Variants in ANK1 observed in about 807,000 individuals in gnomAD.
ANK1 encodes the protein ankyrin-1.
In ANK1, 51 loss-of-function variants were observed where a neutral mutation model predicts 210.4. The observed-to-expected ratio is 0.24, with a 90% CI of 0.19 to 0.31. The LOEUF (loss-of-function observed/expected upper bound fraction) is 0.31. ANK1 is among the 10% of genes least tolerant of loss of function. The pLI, the probability that ANK1 is intolerant of heterozygous loss-of-function variation, is 1.00. For missense variants in ANK1, 2,051 were observed against 2,504.4 expected (o/e 0.82, Z 3.86); for synonymous variants, 967 against 1,025.9 (o/e 0.94, Z 1.10).
At chr8:41,685,632 C>G (rs111864192) in intron 36 of ANK1, among the ~76,000 whole-genome samples, 1,751 of 119,888 alleles carry the variant, frequency 0.015, 13 homozygotes, top group Non-Finnish European at 0.022. Context: ...AGTCCTGATG[C>G]AATTTTTATG....
intron 37 of ANK1, among the ~76,000 whole-genome samples, chr8:41,674,377 T>C (rs1289120649): frequency 6.6e-6 from 1 of 152,240 alleles, no homozygotes; most frequent in Non-Finnish European, 1.5e-5. Flanking sequence ...TCATGGCATT[T>C]TCCCAGCTTC....
chr8:41,874,686 G>A (rs960608544), intron 1 of ANK1, among the ~76,000 whole-genome samples: 1 of 152,224 alleles, frequency 6.6e-6, no homozygotes, highest in African/African-American at 2.4e-5. Context: ...GCCCTAGTCT[G>A]CCTCTGTCAC....
chr8:41,690,710 G>A (rs117512414), intron 31 of ANK1, 111 bp from the exon 32 acceptor site: 100 of 1,493,378 alleles, frequency 6.7e-5, no homozygotes, highest in Admixed American at 6.6e-4. Flanking sequence ...TCAGCAAGAG[G>A]CATGCGGGTG....
chr8:41,657,573 C>T (rs1464948056), intron 42 of ANK1, among the ~76,000 whole-genome samples: 1 of 152,184 alleles, frequency 6.6e-6, no homozygotes, highest in Non-Finnish European at 1.5e-5. Flanking sequence ...GGTGCCTGCC[C>T]CAAGAAGTGC....
In ANK1 at chr8:41,688,596, AAG is replaced by A; in HGVS notation, c.4105-9_4105-8del. On this transcript the variant is annotated splice_polypyrimidine_tract_variant and splice_region_variant and intron_variant, in intron 33 of 42. Coordinates refer to ENST00000289734, the MANE Select transcript of ANK1 (RefSeq NM_000037.4). ...TATCTTCGGCTCCACTTCCCTGCAG[AAG>A]AAGAAAGGGTGCTTTGGGTTTTGGA... The A allele has an allele frequency of 6.2e-7, 1 of 1,613,964 alleles. No individual in the cohort carries two copies. Among genetic ancestry groups the A allele is most frequent in the Non-Finnish European group, 8.5e-7 (1 of 1,179,842 alleles).
chr8:41,738,360 TG>T (rs1358098832), intron 2 of ANK1, among the ~76,000 whole-genome samples: 1 of 152,174 alleles, frequency 6.6e-6, no homozygotes, highest in African/African-American at 2.4e-5. Context: ...CGTAGATGGC[TG>T]CGTCTACCTA....
intron 1 of ANK1, among the ~76,000 whole-genome samples, chr8:41,852,338 C>A (rs574807889): frequency 6.6e-6 from 1 of 152,198 alleles, no homozygotes; most frequent in Non-Finnish European, 1.5e-5. Context: ...GGGGAACATG[C>A]GGGCCGAAGC....
chr8:41,665,993 T>G (rs567857774), intron 39 of ANK1, among the ~76,000 whole-genome samples: 2 of 152,354 alleles, frequency 1.3e-5, no homozygotes, highest in South Asian at 4.1e-4. Flanking sequence ...AAATTTCACT[T>G]TCTAGATCAG....
In ANK1 at chr8:41,702,537, A is replaced by G. The variant is rs147809061; in HGVS notation, c.2296-393T>C. Among the ~76,000 whole-genome samples, 64 of 152,314 alleles carry G rather than the reference A, an allele frequency of 4.2e-4. No homozygotes were observed. In the East Asian group the frequency reaches 0.012, roughly 28 times the overall value. On this transcript the variant is annotated intron_variant, in intron 20 of 42. Coordinates refer to ENST00000289734, the MANE Select transcript of ANK1 (RefSeq NM_000037.4). ...AGAGGAAGGCTGCTTGCTGCTCCCA[A>G]AGTCTGTTCTTGGGTGTCAGTGATG... is the stretch of plus-strand genomic sequence containing the variant.
At chr8:41,828,388 C>G (rs113894294) in intron 1 of ANK1, 5,961 of 154,538 alleles carry the variant, frequency 0.039, 204 homozygotes, top group African/African-American at 0.091. Flanking sequence ...TCATTTTCCA[C>G]CTTCTCCGTC....
In ANK1 at chr8:41,661,885, C is replaced by T. The variant is rs1167764334; in HGVS notation, c.5535G>A (p.Glu1845=). The change falls in exon 41 of 43, where the codon GAG becomes GAA. Residue 1845 remains glutamate, a synonymous_variant. Coordinates refer to ENST00000289734, the MANE Select transcript of ANK1 (RefSeq NM_000037.4). ...GCCCCTCTACAGTCACCTCCTCGTGCTCCTGGGCGGCATCGGCGCTGGACA... is the reference window on the plus strand; with the variant it reads ...GCCCCTCTACAGTCACCTCCTCGTGTTCCTGGGCGGCATCGGCGCTGGACA... ...IDLSSADAAQ[E]HEEVELRGSG... 1.9e-6 allele frequency: 3 copies of T among 1,614,148 alleles called. No homozygotes were observed. Among genetic ancestry groups the T allele is most frequent in the Non-Finnish European group, 2.5e-6 (3 of 1,180,012 alleles).
At position 41,704,365 on chromosome 8, in the gene ANK1, C is replaced by T. The variant is rs200942986; in HGVS notation, c.2196+9G>A. 6.2e-7 allele frequency: 1 copy of T among 1,613,310 alleles called. No homozygotes were observed. The highest frequency in any genetic ancestry group is 8.5e-7 in the Non-Finnish European group (1 of 1,179,314). ...CAGTGCAGGAGTCGGGGCTGGGGCA[C>T]CCCTGTACCTTGGTCTTGGCATTGA... On this transcript the variant is annotated intron_variant, in intron 19 of 42. Coordinates refer to ENST00000289734, the MANE Select transcript of ANK1 (RefSeq NM_000037.4). The surrounding 1 kb of genome is among the most constrained non-coding windows in gnomAD (Gnocchi z 4.1).
chr8:41,896,304 G>A (rs1237075549), intron 1 of ANK1: 33 of 1,568,756 alleles, frequency 2.1e-5, no homozygotes, highest in Non-Finnish European at 2.7e-5. Flanking sequence ...GCCCCCAGCA[G>A]CCACTTGCAG....
At chr8:41,803,005 GAAAGAA>G (rs1587074613) in intron 1 of ANK1, among the ~76,000 whole-genome samples, 14 of 77,368 alleles carry the variant, frequency 1.8e-4, no homozygotes, top group East Asian at 1.1e-3. Context: ...GAGAAAGAAA[GAAAGAA>G]AGAAAGAAAG....
chr8:41,759,857 C>T (rs1486226069), intron 1 of ANK1, among the ~76,000 whole-genome samples: 1 of 152,142 alleles, frequency 6.6e-6, no homozygotes, highest in Admixed American at 6.5e-5. Flanking sequence ...GATGAGTGGG[C>T]TGAGGCACAG....
At chr8:41,688,622 G>T (rs773806802) in intron 33 of ANK1, 33 bp from the exon 34 acceptor site, 47 of 1,592,378 alleles carry the variant, frequency 3.0e-5, no homozygotes, top group Non-Finnish European at 4.0e-5. Context: ...TTGGGTTTTG[G>T]ACTCTCCCCA....
At chr8:41,708,192 T>TA (rs1825188602) in intron 17 of ANK1, among the ~76,000 whole-genome samples, 1 of 151,954 alleles carries the variant, frequency 6.6e-6, no homozygotes, top group South Asian at 2.1e-4. Context: ...AACTGTTATT[T>TA]AAAAAAGAAG....
chr8:41,765,194 T>C (rs368677815), intron 1 of ANK1, among the ~76,000 whole-genome samples: 6 of 145,620 alleles, frequency 4.1e-5, no homozygotes, highest in African/African-American at 1.3e-4. Context: ...TTCTTTCTTT[T>C]TCTTTCTCTT....
intron 1 of ANK1, among the ~76,000 whole-genome samples, chr8:41,832,288 C>A (rs755019365): frequency 6.6e-6 from 1 of 152,178 alleles, no homozygotes; most frequent in East Asian, 1.9e-4. Flanking sequence ...AGTTAACCCA[C>A]GTTCCCTGGG....
Sources: gnomAD v4.1 joint callset for allele counts (sites outside exome capture counted in the v4.1 genomes callset) on GRCh38, gnomAD v4.1.1 for gene constraint, Gnocchi (gnomAD v3.1) non-coding constraint, MANE v1.5 for transcripts, NCBI Gene and HGNC (gene_info 2026-07-23, HGNC 2026-07-21) for gene names.